Variants in COL19A1 observed in about 807,000 individuals in gnomAD.
The protein encoded by COL19A1 is collagen alpha-1(XIX) chain.
In COL19A1, 159 loss-of-function variants were observed where a neutral mutation model predicts 190.2. The observed-to-expected ratio is 0.84, with a 90% CI of 0.73 to 0.95. COL19A1 has a LOEUF of 0.95. Ranked by LOEUF, COL19A1 falls within the 40% of genes least tolerant of loss-of-function variation. The pLI is 0.00. For missense variants in COL19A1, 1,418 were observed against 1,431.9 expected (o/e 0.99, Z 0.16); for synonymous variants, 509 against 458.9 (o/e 1.11, Z -1.39).
chr6:70,114,266 A>ATT (rs751077326), intron 16 of COL19A1, among the ~76,000 whole-genome samples: 2 of 152,180 alleles, frequency 1.3e-5, no homozygotes, highest in Non-Finnish European at 2.9e-5. Context: ...TCGATTGTTT[A>ATT]AAAACCAGCT....
At chr6:69,886,959 T>G (rs1390554130) in intron 2 of COL19A1, among the ~76,000 whole-genome samples, 6 of 152,208 alleles carry the variant, frequency 3.9e-5, no homozygotes, top group Non-Finnish European at 7.3e-5. Flanking sequence ...TTATTTTTTT[T>G]CAGCTTTTCA....
At chr6:70,174,693 A>C (rs1175029488) in intron 41 of COL19A1, among the ~76,000 whole-genome samples, 1 of 152,232 alleles carries the variant, frequency 6.6e-6, no homozygotes, top group East Asian at 1.9e-4. Flanking sequence ...ACTGGACGGA[A>C]GAATGGGAAA....
intron 15 of COL19A1, among the ~76,000 whole-genome samples, chr6:70,100,478 T>C (rs762805706): frequency 6.6e-6 from 1 of 151,896 alleles, no homozygotes; most frequent in Non-Finnish European, 1.5e-5. Context: ...TTTAGATCTA[T>C]AAAATGAAAG....
intron 2 of COL19A1, among the ~76,000 whole-genome samples, chr6:69,888,096 C>T (rs948174222): frequency 5.3e-5 from 8 of 152,154 alleles, no homozygotes; most frequent in African/African-American, 1.9e-4. Context: ...GGTGGAGCTC[C>T]CTCAGAGGCC....
intron 4 of COL19A1, among the ~76,000 whole-genome samples, chr6:69,923,790 T>C (rs1045979685): frequency 6.6e-6 from 1 of 152,164 alleles, no homozygotes; most frequent in Non-Finnish European, 1.5e-5. Context: ...AAGCAGAACA[T>C]GAAGGCTAAG....
At chr6:69,921,463 T>TATATTC (rs1582406181) in intron 4 of COL19A1, among the ~76,000 whole-genome samples, 1 of 129,946 alleles carries the variant, frequency 7.7e-6, no homozygotes, top group African/African-American at 3.0e-5. Context: ...ATATATATCA[T>TATATTC]ATATATTCAT....
intron 11 of COL19A1, among the ~76,000 whole-genome samples, chr6:69,967,441 A>G (rs1030070137): frequency 6.6e-6 from 1 of 152,228 alleles, no homozygotes; most frequent in African/African-American, 2.4e-5. Context: ...GTGAGAGTCC[A>G]TGGTTGAGCA....
chr6:70,004,834 C>CTT (rs560885333), intron 11 of COL19A1, among the ~76,000 whole-genome samples: 1,435 of 142,370 alleles, frequency 0.01, 23 homozygotes, highest in East Asian at 0.067. Flanking sequence ...GCTCAGCGTA[C>CTT]TTTTTTTTTT....
intron 16 of COL19A1, among the ~76,000 whole-genome samples, chr6:70,107,797 G>GT: frequency 6.6e-6 from 1 of 152,236 alleles, no homozygotes; most frequent in South Asian, 2.1e-4. Flanking sequence ...AGTCAGTGAT[G>GT]TTTTTTCTCC....
chr6:70,140,889 A>C, intron 19 of COL19A1, 65 bp from the exon 20 acceptor site: 3 of 1,536,172 alleles, frequency 2.0e-6, no homozygotes, highest in Non-Finnish European at 2.7e-6. Flanking sequence ...GGGTTTATCC[A>C]CACCCCGGTT....
Position 69,900,258 on chromosome 6 carries a change from C to T in COL19A1, c.186C>T (p.Ser62=), listed in dbSNP as rs1770088771. Residue 62 remains serine (S), a synonymous_variant, in exon 4 of 51, where the codon AGC becomes AGT. Transcript: ENST00000620364. ...TTACAGGTTTTGATCTAGGAGACAGCTTTTCTCTAAGACGTGCATTTTGTG... is the reference window on the plus strand; with the variant it reads ...TTACAGGTTTTGATCTAGGAGACAGTTTTTCTCTAAGACGTGCATTTTGTG... ...LEVSGFDLGD[S]FSLRRAFCES... is the part of the protein sequence containing the mutation. 1.3e-6 allele frequency: 2 copies of T among 1,591,464 alleles called. No individual in the cohort carries two copies. The highest frequency in any genetic ancestry group is 2.3e-5 in the South Asian group (2 of 86,184).
chr6:69,904,939 T>A (rs1017671889), intron 4 of COL19A1, among the ~76,000 whole-genome samples: 1 of 152,106 alleles, frequency 6.6e-6, no homozygotes, highest in African/African-American at 2.4e-5. Flanking sequence ...CCAACTCTGC[T>A]GGTGGAGGTG....
At chr6:70,196,592 T>C (rs1486662419) in intron 48 of COL19A1, among the ~76,000 whole-genome samples, 2 of 152,228 alleles carry the variant, frequency 1.3e-5, no homozygotes, top group African/African-American at 4.8e-5. Flanking sequence ...ATACGTAGTT[T>C]ATCATCATAT....
intron 11 of COL19A1, among the ~76,000 whole-genome samples, chr6:70,002,348 G>T (rs969477361): frequency 1.3e-5 from 2 of 152,044 alleles, no homozygotes; most frequent in African/African-American, 4.8e-5. Context: ...TTGTGTCTCT[G>T]CCCAGTTTTG....
intron 8 of COL19A1, 64 bp downstream of exon 8, chr6:69,936,974 T>C (rs1472704622): frequency 1.9e-6 from 3 of 1,575,348 alleles, no homozygotes; most frequent in East Asian, 4.5e-5. Context: ...GCTCCTTGAA[T>C]GTGGCCTCTG....
rs750042587 is a variant in COL19A1, at chr6:70,142,069, G to A, written c.1565G>A (p.Gly522Glu). 6.2e-7 allele frequency: 1 copy of A among 1,611,784 alleles called. No individual in the cohort carries two copies. Among genetic ancestry groups the A allele is most frequent in the East Asian group, 2.2e-5 (1 of 44,758 alleles). Residue 522 changes from glycine to glutamate, a missense_variant, in exon 22 of 51, where the codon GGA becomes GAA. Gly to Glu is a moderately conservative substitution (Grantham distance 98, BLOSUM62 -2). Transcript: ENST00000620364. ...PGPPGLIGSPGLKGQQGSAGS... is the reference protein window; with the variant it reads ...PGPPGLIGSPELKGQQGSAGS... ...CCCCCTGGTTTAATAGGAAGCCCAGGACTAAAGGTATATAAGAAATAACTA... is the reference window on the plus strand; with the variant it reads ...CCCCCTGGTTTAATAGGAAGCCCAGAACTAAAGGTATATAAGAAATAACTA...
intron 2 of COL19A1, chr6:69,891,192 C>T (rs1329922206): frequency 1.3e-5 from 2 of 149,170 alleles, no homozygotes; most frequent in African/African-American, 5.2e-5. Context: ...GGAGGCCAAA[C>T]ACCCAGCTAG....
chr6:70,078,467 C>T (rs778097181), intron 15 of COL19A1, among the ~76,000 whole-genome samples: 13 of 152,168 alleles, frequency 8.5e-5, no homozygotes, highest in African/African-American at 2.4e-4. Context: ...CTCTGGAGCA[C>T]GACAGAATTT....
At chr6:70,159,624 C>A (rs562501948) in intron 34 of COL19A1, among the ~76,000 whole-genome samples, 1 of 152,132 alleles carries the variant, frequency 6.6e-6, no homozygotes, top group Non-Finnish European at 1.5e-5. Flanking sequence ...TGCCATTTGG[C>A]ATTGAATGGA....
Sources: allele counts gnomAD v4.1 joint callset (sites outside exome capture counted in the v4.1 genomes callset), GRCh38; gene constraint gnomAD v4.1.1; transcripts MANE v1.5; gene names NCBI Gene and HGNC (gene_info 2026-07-23, HGNC 2026-07-21).